RHBDD2: variants seen among roughly 807,000 people sequenced by gnomAD.
The protein encoded by RHBDD2 is rhomboid domain containing 2.
In RHBDD2, 13 loss-of-function variants were observed where a neutral mutation model predicts 21.7. That is an observed-to-expected ratio of 0.60 (90% CI 0.39 to 0.95). The LOEUF (loss-of-function observed/expected upper bound fraction) is 0.95, where lower values mean the gene tolerates loss of function less well. RHBDD2 is among the 40% of genes least tolerant of loss of function. RHBDD2 has a pLI of 0.00. For missense variants in RHBDD2, 473 were observed against 478.9 expected (o/e 0.99, Z 0.11); for synonymous variants, 225 against 220.0 (o/e 1.02, Z -0.20).
rs782412900 is a variant in RHBDD2, at chr7:75,881,959, C to T, written c.309C>T (p.Thr103=). The part of the protein sequence containing the change: ...TVGTVRHCFF[T]VIFAIFSAII... ...GCACCGTCCGCCACTGCTTCTTCAC[C>T]GTGATCTTCGCCATCTTCTCCGCTA... The change falls in exon 2 of 4, where the codon ACC becomes ACT. Residue 103 remains threonine, a synonymous_variant. Transcript: ENST00000006777. 1.4e-5 allele frequency: 23 copies of T among 1,614,140 alleles called. No individual in the cohort carries two copies. Among genetic ancestry groups the T allele is most frequent in the African/African-American group, 2.7e-5 (2 of 74,950 alleles).
intron 3 of RHBDD2, among the ~76,000 whole-genome samples, chr7:75,885,118 GAAAAAAAAA>G (rs113612856): frequency 1.0e-5 from 1 of 99,642 alleles, no homozygotes; most frequent in Non-Finnish European, 2.3e-5. Flanking sequence ...TGTCTCCCAA[GAAAAAAAAA>G]AAAAAAAAGG....
intron 3 of RHBDD2, 28 bp from the exon 4 acceptor site, chr7:75,887,964 G>A (rs1357297433): frequency 5.1e-6 from 8 of 1,583,240 alleles, no homozygotes; most frequent in Middle Eastern, 1.7e-4. Context: ...CTCGCTGAAG[G>A]ACCATTTTCT....
intron 3 of RHBDD2, among the ~76,000 whole-genome samples, chr7:75,886,381 G>T (rs1167782776): frequency 1.3e-5 from 2 of 152,002 alleles, no homozygotes; most frequent in Non-Finnish European, 2.9e-5. Context: ...TAGGTGTTTT[G>T]TGGGTTTTAG....
At chr7:75,879,600 C>T (rs1805199326) in intron 1 of RHBDD2, among the ~76,000 whole-genome samples, 1 of 152,122 alleles carries the variant, frequency 6.6e-6, no homozygotes, top group Non-Finnish European at 1.5e-5. Context: ...GATTTTTCGT[C>T]TCCCCCTCCC....
intron 1 of RHBDD2, among the ~76,000 whole-genome samples, chr7:75,881,053 C>G (rs1805294045): frequency 6.6e-6 from 1 of 151,908 alleles, no homozygotes; most frequent in Non-Finnish European, 1.5e-5. Flanking sequence ...AAATAAAAGG[C>G]CAGGAATGAT....
rs192979838 is a variant in RHBDD2, at chr7:75,884,430, A to G, written c.737+582A>G. 7.2e-5 allele frequency among the ~76,000 whole-genome samples: 11 copies of G among 152,156 alleles called. No individual in the cohort carries two copies. In the East Asian group the frequency reaches 1.9e-3, roughly 27 times the overall value. ...GGACAGGGTCTCCACTGTGTTACCA[A>G]GGCTGGTCTCAAACTCCTGGTCTCA... On this transcript the variant is annotated intron_variant, in intron 3 of 3. Transcript: ENST00000006777.
rs1174807666 is a variant in RHBDD2 at position 75,880,020 on chromosome 7, C to T, written c.178+760C>T. Among the ~76,000 whole-genome samples the T allele has an allele frequency of 2.0e-5, 3 of 152,296 alleles. No homozygotes were observed. In the East Asian group the frequency reaches 5.8e-4, roughly 29 times the overall value. Reference sequence around the variant, plus strand: ...TGATATGTATTAATTTCGTTTAACCCTCACAAGGATCCCATGACGTAGGAC... The same window carrying T: ...TGATATGTATTAATTTCGTTTAACCTTCACAAGGATCCCATGACGTAGGAC... On this transcript the variant is annotated intron_variant, in intron 1 of 3. Transcript: ENST00000006777.
In RHBDD2 at chr7:75,888,200, T is replaced by A; in HGVS notation, c.946T>A (p.Ser316Thr). ...GAACCACTTTGGTCCAAACCCCACC[T>A]CCTCCAGTGTCTACCCAGCTTCTGC... ...VQNHFGPNPT[S>T]SSVYPASAGT... The change falls in exon 4 of 4, where the codon TCC becomes ACC. Residue 316 changes from serine to threonine, a missense_variant. By Grantham distance (58) the Ser-to-Thr change is moderately conservative (BLOSUM62 1). Transcript: ENST00000006777. 3 of 1,613,744 alleles carry A rather than the reference T, an allele frequency of 1.9e-6. No homozygotes were observed. The highest frequency in any genetic ancestry group is 1.1e-5 in the South Asian group (1 of 91,086).
Position 75,882,189 on chromosome 7 carries a change from A to G in RHBDD2, c.539A>G (p.Gln180Arg). The change falls in exon 2 of 4, where the codon CAG becomes CGG. Residue 180 changes from glutamine (Q) to arginine (R), a missense_variant. Gln to Arg is a conservative substitution (Grantham distance 43, BLOSUM62 1). Transcript: ENST00000006777. ...CTGGGTGCCTCGTGGCTCATTCCCC[A>G]GACCTCTTTCCTCAGTAATGTCTGC... The part of the protein sequence containing the change: ...LLLGASWLIP[Q>R]TSFLSNVCGL... The G allele has an allele frequency of 6.2e-7, 1 of 1,614,094 alleles. No homozygotes were observed. The highest frequency in any genetic ancestry group is 8.5e-7 in the Non-Finnish European group (1 of 1,180,002).
intron 2 of RHBDD2, among the ~76,000 whole-genome samples, chr7:75,883,275 C>T (rs1344817576): frequency 3.3e-5 from 5 of 152,048 alleles, no homozygotes; most frequent in African/African-American, 9.7e-5. Context: ...AATACTAGCA[C>T]TTTGGGAGGC....
intron 1 of RHBDD2, 66 bp downstream of exon 1, chr7:75,879,326 T>A: frequency 2.9e-6 from 4 of 1,370,030 alleles, no homozygotes; most frequent in Non-Finnish European, 3.8e-6. Flanking sequence ...GTTCCTGGGC[T>A]CTAGCCTCCG....
chr7:75,881,512 A>G (rs1031378304), intron 1 of RHBDD2: 6 of 1,322,228 alleles, frequency 4.5e-6, no homozygotes, highest in East Asian at 9.2e-5. Context: ...AACCTGAAAA[A>G]GGATTATAAA....
At chr7:75,880,651 A>C (rs782472008) in intron 1 of RHBDD2, among the ~76,000 whole-genome samples, 5 of 152,096 alleles carry the variant, frequency 3.3e-5, no homozygotes, top group African/African-American at 4.8e-5. Flanking sequence ...CAATATTACC[A>C]TCAGTTCTTT....
chr7:75,883,049 C>A (rs1805425188), intron 2 of RHBDD2, among the ~76,000 whole-genome samples: 1 of 152,124 alleles, frequency 6.6e-6, no homozygotes, highest in South Asian at 2.1e-4. Flanking sequence ...CAGGATGATA[C>A]TGGTACAGCC....
At chr7:75,881,572 T>TC in intron 1 of RHBDD2, 2 of 1,357,510 alleles carry the variant, frequency 1.5e-6, no homozygotes, top group Non-Finnish European at 1.9e-6. Context: ...ATTATTTTTT[T>TC]CCCTCTGGAA....
chr7:75,882,875 CAGT>C (rs1805416374), intron 2 of RHBDD2, among the ~76,000 whole-genome samples: 1 of 152,118 alleles, frequency 6.6e-6, no homozygotes, highest in Admixed American at 6.5e-5. Context: ...GCTGCCTAAT[CAGT>C]GGTGGGTGAC....
Position 75,883,850 on chromosome 7 carries a change from T to TAAG in RHBDD2, c.737+3_737+5dup, listed in dbSNP as rs1805487238. 6.2e-7 allele frequency: 1 copy of TAAG among 1,608,262 alleles called. No individual in the cohort carries two copies. Among genetic ancestry groups the TAAG allele is most frequent in the South Asian group, 1.1e-5 (1 of 90,052 alleles). ...GAGGAGGGCAGCCCAGAGCCGGAAG[T>TAAG]AAGTGACAGAACTCTTAAGTGCTGT... On this transcript the variant is annotated splice_region_variant and intron_variant, in intron 3 of 3. Transcript: ENST00000006777.
chr7:75,885,077 G>A (rs559808846), intron 3 of RHBDD2, among the ~76,000 whole-genome samples: 2 of 148,788 alleles, frequency 1.3e-5, no homozygotes, highest in Admixed American at 1.3e-4. Context: ...TCACACCACA[G>A]CACTCCAGCC....
At chr7:75,887,843 T>C in intron 3 of RHBDD2, 149 bp from the exon 4 acceptor site, 1 of 719,414 alleles carries the variant, frequency 1.4e-6, no homozygotes, top group Non-Finnish European at 2.4e-6. Flanking sequence ...TTGGTTGAGG[T>C]TAACCTTTCT....
Sources: allele counts gnomAD v4.1 joint callset (sites outside exome capture counted in the v4.1 genomes callset), GRCh38; gene constraint gnomAD v4.1.1; transcripts MANE v1.5; gene names NCBI Gene and HGNC (gene_info 2026-07-23, HGNC 2026-07-21).